CNTN4: variants seen among roughly 807,000 people sequenced by gnomAD.
CNTN4 encodes the protein contactin 4.
Under a neutral mutation model 122.5 loss-of-function variants are expected in CNTN4, and 77 were observed. The observed-to-expected ratio is 0.63, with a 90% confidence interval of 0.52 to 0.76. The LOEUF is 0.76. Ranked by LOEUF, CNTN4 falls within the 30% of genes least tolerant of loss-of-function variation. The pLI is 0.00. For missense variants in CNTN4, 1,256 were observed against 1,259.1 expected (o/e 1.00, Z 0.04); for synonymous variants, 512 against 447.0 (o/e 1.15, Z -1.83).
intron 23 of CNTN4, among the ~76,000 whole-genome samples, chr3:3,048,264 G>T (rs1369898734): frequency 1.3e-5 from 2 of 151,920 alleles, no homozygotes; most frequent in African/African-American, 4.8e-5. Flanking sequence ...CAATGAAAAT[G>T]ACACAGATTT....
chr3:2,100,069 T>G (rs2031783594), intron 1 of CNTN4, among the ~76,000 whole-genome samples: 1 of 152,156 alleles, frequency 6.6e-6, no homozygotes, highest in Non-Finnish European at 1.5e-5. Context: ...GCAGATTCGG[T>G]GCGAAGAAGC....
At chr3:2,745,225 C>A (rs1215336520) in intron 5 of CNTN4, among the ~76,000 whole-genome samples, 1 of 152,186 alleles carries the variant, frequency 6.6e-6, no homozygotes, top group African/African-American at 2.4e-5. Flanking sequence ...TATGAGAAAT[C>A]TGTGGCCCGC....
chr3:2,254,485 G>A (rs926486075), intron 2 of CNTN4, among the ~76,000 whole-genome samples: 1 of 152,134 alleles, frequency 6.6e-6, no homozygotes, highest in African/African-American at 2.4e-5. Flanking sequence ...CACAGTGGTT[G>A]AACTAATTTA....
intron 3 of CNTN4, among the ~76,000 whole-genome samples, chr3:2,363,237 G>A (rs983531944): frequency 1.3e-5 from 2 of 152,172 alleles, no homozygotes; most frequent in African/African-American, 4.8e-5. Flanking sequence ...TTTTTCAAAT[G>A]TCTCCTATGT....
intron 2 of CNTN4, among the ~76,000 whole-genome samples, chr3:2,136,639 T>A (rs1193835085): frequency 6.6e-6 from 1 of 152,130 alleles, no homozygotes; most frequent in South Asian, 2.1e-4. Context: ...GTAATTGGTT[T>A]TGAGAGTATA....
chr3:2,116,789 C>G (rs764638927), intron 2 of CNTN4, among the ~76,000 whole-genome samples: 3 of 152,172 alleles, frequency 2.0e-5, no homozygotes, highest in African/African-American at 4.8e-5. Flanking sequence ...CACAAAGACT[C>G]TTTACTAAAC....
intron 4 of CNTN4, among the ~76,000 whole-genome samples, chr3:2,657,912 G>A (rs1444255506): frequency 6.6e-6 from 1 of 151,208 alleles, no homozygotes; most frequent in Non-Finnish European, 1.5e-5. Flanking sequence ...AGATAACACT[G>A]ACAAATTATT....
intron 4 of CNTN4, among the ~76,000 whole-genome samples, chr3:2,637,870 C>T (rs752767122): frequency 1.7e-4 from 26 of 152,212 alleles, no homozygotes; most frequent in Admixed American, 9.8e-4. Context: ...GACTCTTCAT[C>T]GAATGCCTAA....
chr3:2,894,550 A>G (rs922564161), intron 10 of CNTN4, among the ~76,000 whole-genome samples: 1 of 152,158 alleles, frequency 6.6e-6, no homozygotes, highest in African/African-American at 2.4e-5. Flanking sequence ...GATGTGCATA[A>G]AGTGAAGCTG....
intron 2 of CNTN4, among the ~76,000 whole-genome samples, chr3:2,116,429 G>A (rs1052101706): frequency 6.6e-6 from 1 of 151,950 alleles, no homozygotes; most frequent in African/African-American, 2.4e-5. Flanking sequence ...AGAAACACCT[G>A]GGAGCTTTGG....
intron 3 of CNTN4, among the ~76,000 whole-genome samples, chr3:2,503,436 A>G (rs1393797271): frequency 2.0e-5 from 3 of 152,174 alleles, no homozygotes; most frequent in African/African-American, 7.2e-5. Context: ...TCTTTATTAT[A>G]GCTATCATTC....
At chr3:2,676,659 G>A (rs1034051538) in intron 4 of CNTN4, among the ~76,000 whole-genome samples, 10 of 152,180 alleles carry the variant, frequency 6.6e-5, no homozygotes, top group Admixed American at 5.9e-4. Flanking sequence ...AGCAATTCTA[G>A]GGGAAAGAAA....
At chr3:2,594,922 G>C (rs1327424280) in intron 4 of CNTN4, among the ~76,000 whole-genome samples, 1 of 152,118 alleles carries the variant, frequency 6.6e-6, no homozygotes, top group Non-Finnish European at 1.5e-5. Context: ...TTAGTGGAAA[G>C]AAGTGAGATT....
intron 6 of CNTN4, among the ~76,000 whole-genome samples, chr3:2,802,773 C>A (rs972813427): frequency 6.6e-6 from 1 of 151,974 alleles, no homozygotes; most frequent in African/African-American, 2.4e-5. Context: ...TGTAGACACC[C>A]GGCAGTATGG....
chr3:2,667,849 A>G (rs1175737336), intron 4 of CNTN4, among the ~76,000 whole-genome samples: 1 of 152,040 alleles, frequency 6.6e-6, no homozygotes, highest in African/African-American at 2.4e-5. Flanking sequence ...TAAACAGGGA[A>G]TCCTTTGCCC....
chr3:2,401,671 T>C (rs887424446), intron 3 of CNTN4, among the ~76,000 whole-genome samples: 5 of 152,094 alleles, frequency 3.3e-5, no homozygotes, highest in South Asian at 2.1e-4. Flanking sequence ...TTCATTCTTA[T>C]TAGGAGTGAA....
At chr3:2,689,602 G>A (rs541956320) in intron 4 of CNTN4, among the ~76,000 whole-genome samples, 13 of 152,282 alleles carry the variant, frequency 8.5e-5, no homozygotes, top group Admixed American at 7.9e-4. Flanking sequence ...AGAGAGGGAA[G>A]GAGGGAATGG....
intron 2 of CNTN4, among the ~76,000 whole-genome samples, chr3:2,256,330 A>G (rs1266364026): frequency 6.6e-6 from 1 of 152,222 alleles, no homozygotes; most frequent in Non-Finnish European, 1.5e-5. Flanking sequence ...GTCCAGGACC[A>G]GATGGATTTA....
At chr3:2,923,292 A>C (rs539331708) in intron 12 of CNTN4, among the ~76,000 whole-genome samples, 1 of 80,050 alleles carries the variant, frequency 1.2e-5, no homozygotes, top group Non-Finnish European at 3.5e-5. Flanking sequence ...AATATCATTT[A>C]AAAAAAAACT....
Sources: gnomAD v4.1 joint callset for allele counts (sites outside exome capture counted in the v4.1 genomes callset) on GRCh38, gnomAD v4.1.1 for gene constraint, MANE v1.5 for transcripts, NCBI Gene and HGNC (gene_info 2026-07-23, HGNC 2026-07-21) for gene names.